Variants in XPOT observed in about 807,000 individuals in gnomAD.
The protein encoded by XPOT is exportin-T.
XPOT carries 34 observed loss-of-function variants against 128.2 expected under a neutral mutation model. That is an observed-to-expected ratio of 0.27 (90% CI 0.20 to 0.35). XPOT has a LOEUF of 0.35. XPOT is among the 10% of genes least tolerant of loss of function. The pLI is 1.00. For missense variants in XPOT, 838 were observed against 1,125.3 expected (o/e 0.74, Z 3.65); for synonymous variants, 348 against 394.3 (o/e 0.88, Z 1.39).
rs900830320 is a variant in XPOT, at chr12:64,449,723, T to C, written c.*1592T>C. On this transcript the variant is annotated 3_prime_UTR_variant, in exon 25 of 25. Transcript: ENST00000332707. ...AATCAGTGAAATGTACCTTATACTT[T>C]AATAAAAAATGTTTTCAGAAATAGA... is the stretch of plus-strand genomic sequence containing the variant. 2 of 152,256 alleles carry C rather than the reference T, an allele frequency of 1.3e-5. No homozygotes were observed. The highest frequency in any genetic ancestry group is 6.5e-5 in the Admixed American group (1 of 15,286). The allele number at this position is 152,256 out of a possible 1,614,324, so 9.4% of individuals were successfully genotyped here. A position where few individuals can be genotyped will look rare whatever the true frequency, so the allele number is the denominator to read the frequency against.
chr12:64,415,721 C>T (rs1049677795), intron 3 of XPOT, among the ~76,000 whole-genome samples: 1 of 152,126 alleles, frequency 6.6e-6, no homozygotes, highest in Admixed American at 6.6e-5. Context: ...TATAATCATT[C>T]GGTGACCAAT....
rs868492951 is a variant in XPOT at position 64,431,812 on chromosome 12, G to A, written c.2251G>A (p.Ala751Thr). The A allele has an allele frequency of 6.2e-7, 1 of 1,611,342 alleles. No homozygotes were observed. The highest frequency in any genetic ancestry group is 8.5e-7 in the Non-Finnish European group (1 of 1,178,326). ...CATTCCTCTTATCAACCAGATTACG[G>A]CCAAATTCAAGGTACCGCAAACTTT... Reference protein sequence around the residue: ...EFIPLINQITAKFKIQVSPFL... With the variant: ...EFIPLINQITTKFKIQVSPFL... The change falls in exon 18 of 25, where the codon GCC becomes ACC. Residue 751 changes from alanine to threonine, a missense_variant. Physicochemically the swap from Ala to Thr is moderately conservative, Grantham distance 58. This residue lies in a region of XPOT where 761 missense variants were observed against 988.3 expected (regional missense o/e 0.77). Transcript: ENST00000332707.
At chr12:64,425,593 CCCT>C in intron 14 of XPOT, 136 bp downstream of exon 14, 2 of 1,178,490 alleles carry the variant, frequency 1.7e-6, no homozygotes, top group Non-Finnish European at 2.4e-6. Context: ...TGAAAGTAAC[CCCT>C]CCTCCATTTC....
chr12:64,404,930 C>T (rs1359699055), intron 1 of XPOT, 126 bp downstream of exon 1: 2 of 152,082 alleles, frequency 1.3e-5, no homozygotes, highest in Non-Finnish European at 2.9e-5. Flanking sequence ...GGCTTGGGAC[C>T]CTCTATGGCG....
At chr12:64,423,881 C>T (rs1309266053) in intron 11 of XPOT, among the ~76,000 whole-genome samples, 1 of 152,094 alleles carries the variant, frequency 6.6e-6, no homozygotes, top group Non-Finnish European at 1.5e-5. Flanking sequence ...ACTGTATTGG[C>T]AGAGTGGAAA....
rs142131233 is a variant in XPOT, at chr12:64,433,418, A to G, written c.2267A>G (p.Gln756Arg). The G allele has an allele frequency of 2.0e-6, 3 of 1,533,448 alleles. No individual in the cohort carries two copies. In the African/African-American group the frequency reaches 4.2e-5, roughly 21 times the overall value. 95.0% of individuals were successfully genotyped at this position (1,533,448 alleles called of 1,614,324 possible). ...INQITAKFKI[Q>R]VSPFLQQMFM... ...GTAATGATTGTTTATCTTCAGATAC[A>G]GGTATCCCCGTTTTTACAACAGATG... Residue 756 changes from glutamine (Q) to arginine (R), a missense_variant, in exon 19 of 25, where the codon CAG becomes CGG. Around this residue, in one of 3 missense-constraint regions of XPOT, gnomAD observed 761 missense variants for 988.3 expected, o/e 0.77. Coordinates refer to ENST00000332707, the MANE Select transcript of XPOT (RefSeq NM_007235.6).
intron 2 of XPOT, among the ~76,000 whole-genome samples, chr12:64,411,975 A>G (rs2040042104): frequency 6.6e-6 from 1 of 151,884 alleles, no homozygotes. Flanking sequence ...TTAAAAACTA[A>G]AAACTTCCAC....
chr12:64,439,188 T>C, intron 22 of XPOT, 56 bp from the exon 23 acceptor site: 1 of 1,522,146 alleles, frequency 6.6e-7, no homozygotes, highest in East Asian at 2.3e-5. Context: ...TCCGATTCTT[T>C]TTAAGCTTAT....
intron 1 of XPOT, among the ~76,000 whole-genome samples, chr12:64,406,847 G>A (rs2136006956): frequency 6.6e-6 from 1 of 152,188 alleles, no homozygotes; most frequent in South Asian, 2.1e-4. Context: ...GCCTTTCTTT[G>A]TGTTTTTCTG....
At position 64,431,739 on chromosome 12, in the gene XPOT, T is replaced by C. The variant is rs1276381897; in HGVS notation, c.2178T>C (p.Ala726=). 3.1e-6 allele frequency: 5 copies of C among 1,614,140 alleles called. No individual in the cohort carries two copies. Among genetic ancestry groups the C allele is most frequent in the African/African-American group, 1.3e-5 (1 of 75,048 alleles). ...AAGTTCTTCCGTTCATTCCATCTGC[T>C]TCAGAACATATGCTCAAAGATTGTG... is the stretch of plus-strand genomic sequence containing the variant. ...EEEVLPFIPS[A]SEHMLKDCEA... Residue 726 remains alanine (A), a synonymous_variant, in exon 18 of 25, where the codon GCT becomes GCC. Coordinates refer to ENST00000332707, the MANE Select transcript of XPOT (RefSeq NM_007235.6).
Position 64,431,647 on chromosome 12 carries a change from C to T in XPOT, c.2086C>T (p.Gln696Ter), listed in dbSNP as rs1277811130. The T allele has an allele frequency of 6.2e-7, 1 of 1,613,826 alleles. No homozygotes were observed. The highest frequency in any genetic ancestry group is 8.5e-7 in the Non-Finnish European group (1 of 1,179,864). ...TFLPALSCPLQKDILRSGVRT... is the reference protein window; with the variant it reads ...TFLPALSCPL ...CTTGCCAGCCCTCAGTTGTCCCTTA[C>T]AAAAGGATATTCTCAGAAGTGGAGT... The change falls in exon 18 of 25, where the codon CAA becomes TAA. Residue 696 changes from glutamine (Q) to a stop codon, truncating the protein, a stop_gained. Transcript: ENST00000332707. LOFTEE classifies it high-confidence loss of function.
Position 64,448,058 on chromosome 12 carries a change from GAT to G in XPOT, c.2863-44_2863-43del, listed in dbSNP as rs1315990188. ...TTGGAGCCATTCTTCAGGTGAAAGT[GAT>G]ATCTTCTGACATTAGTATTGATTGC... On this transcript the variant is annotated intron_variant, in intron 24 of 24. Coordinates refer to ENST00000332707, the MANE Select transcript of XPOT (RefSeq NM_007235.6). 4 of 1,565,640 alleles carry G rather than the reference GAT, an allele frequency of 2.6e-6. No homozygotes were observed. The East Asian group carries it at 9.0e-5, about 35-fold the overall frequency.
chr12:64,409,968 ATAAATTCTT>A lies in XPOT; in HGVS notation c.-67_-59del. The stretch of plus-strand genomic sequence containing the variant: ...ACTTTGTTTTTTGTGGCAGATGTTT[ATAAATTCTT>A]CTGTGGGATCAGAGGGCACGCCTAT... On this transcript the variant is annotated 5_prime_UTR_variant, in exon 2 of 25. Transcript: ENST00000332707. 2 of 1,345,512 alleles carry A rather than the reference ATAAATTCTT, an allele frequency of 1.5e-6. No homozygotes were observed. The highest frequency in any genetic ancestry group is 2.1e-6 in the Non-Finnish European group (2 of 946,624). The allele number at this position is 1,345,512 out of a possible 1,614,324, so 83.3% of individuals were successfully genotyped here.
At chr12:64,429,664 C>T (rs2040222223) in intron 16 of XPOT, among the ~76,000 whole-genome samples, 1 of 152,276 alleles carries the variant, frequency 6.6e-6, no homozygotes, top group African/African-American at 2.4e-5. Flanking sequence ...TGGTCACGAA[C>T]TCCTGACCTC....
intron 15 of XPOT, among the ~76,000 whole-genome samples, chr12:64,426,528 T>C (rs1444642367): frequency 6.6e-6 from 1 of 152,084 alleles, no homozygotes; most frequent in Admixed American, 6.6e-5. Flanking sequence ...CAAAAGACAC[T>C]TGGGACTCCA....
At position 64,431,602 on chromosome 12, in the gene XPOT, C is replaced by T; in HGVS notation, c.2041C>T (p.Leu681=). 1.2e-6 allele frequency: 2 copies of T among 1,613,932 alleles called. No individual in the cohort carries two copies. The highest frequency in any genetic ancestry group is 1.1e-5 in the South Asian group (1 of 91,078). ...VKQCGCSEVY[L]DCLQTFLPAL... ...ACAATGTGGCTGTTCCGAAGTTTAT[C>T]TGGACTGTTTACAGACATTCTTGCC... is the stretch of plus-strand genomic sequence containing the variant. The change falls in exon 18 of 25, where the codon CTG becomes TTG. Residue 681 remains leucine, a synonymous_variant. Coordinates refer to ENST00000332707, the MANE Select transcript of XPOT (RefSeq NM_007235.6).
Position 64,417,226 on chromosome 12 carries a change from A to G in XPOT, c.200+472A>G, listed in dbSNP as rs149985973. On this transcript the variant is annotated intron_variant, in intron 4 of 24. Transcript: ENST00000332707. ...CGAGACTCCGTCTCAAAAATAAAAA[A>G]AGTGCTGAGTTTGTTGGTTACACAT... is the stretch of plus-strand genomic sequence containing the variant. Among the ~76,000 whole-genome samples the G allele has an allele frequency of 3.1e-3, 478 of 152,284 alleles. 5 individuals carry two copies. The highest frequency in any genetic ancestry group is 0.011 in the African/African-American group (459 of 41,556).
In XPOT at chr12:64,430,304, T is replaced by A; in HGVS notation, c.1976+17T>A. ...ATTTGCAAGGTAAGTGTGATCACAG[T>A]TAAAATTATAAAGTGCATGTATCTA... On this transcript the variant is annotated intron_variant, in intron 17 of 24. Transcript: ENST00000332707. 6.5e-7 allele frequency: 1 copy of A among 1,533,984 alleles called. No homozygotes were observed. The highest frequency in any genetic ancestry group is 8.7e-7 in the Non-Finnish European group (1 of 1,143,570).
chr12:64,437,495 A>T (rs1244667984), intron 22 of XPOT, among the ~76,000 whole-genome samples: 5 of 152,168 alleles, frequency 3.3e-5, no homozygotes, highest in Non-Finnish European at 5.9e-5. Context: ...ATTAGATTAG[A>T]TGTCACATGG....
Sources: gnomAD v4.1 joint callset for allele counts (sites outside exome capture counted in the v4.1 genomes callset) on GRCh38, gnomAD v4.1.1 for gene constraint, gnomAD v4.1.1 regional missense constraint, MANE v1.5 for transcripts, NCBI Gene and HGNC (gene_info 2026-07-23, HGNC 2026-07-21) for gene names.